EMCN: variants seen among roughly 807,000 people sequenced by gnomAD.
The protein encoded by EMCN is MUC-14.
In EMCN, 37 loss-of-function variants were observed where a neutral mutation model predicts 38.4. The observed-to-expected ratio is 0.96, with a 90% CI of 0.74 to 1.27. The LOEUF is 1.27. Among genes scored for constraint, EMCN ranks in the 50% most tolerant of loss-of-function variants. The pLI, the probability that EMCN is intolerant of heterozygous loss-of-function variation, is 0.00. For missense variants in EMCN, 318 were observed against 302.8 expected (o/e 1.05, Z -0.37); for synonymous variants, 95 against 100.8 (o/e 0.94, Z 0.35).
chr4:100,418,479 A>G (rs1278255887), intron 8 of EMCN, among the ~76,000 whole-genome samples: 1 of 152,074 alleles, frequency 6.6e-6, no homozygotes, highest in Non-Finnish European at 1.5e-5. Context: ...TGTGCTGTCA[A>G]ATACTAGGTT....
intron 1 of EMCN, 96 bp downstream of exon 1, chr4:100,517,755 A>G: frequency 9.1e-7 from 1 of 1,096,566 alleles, no homozygotes; most frequent in Non-Finnish European, 1.4e-6. Context: ...TGCTGCATCT[A>G]AGTGTCAGGG....
At chr4:100,470,423 G>T (rs1468856606) in intron 3 of EMCN, among the ~76,000 whole-genome samples, 1 of 150,564 alleles carries the variant, frequency 6.6e-6, no homozygotes, top group Non-Finnish European at 1.5e-5. Flanking sequence ...AAAAAGGAAG[G>T]CTTATACATT....
At chr4:100,467,706 T>C (rs1042276340) in intron 3 of EMCN, among the ~76,000 whole-genome samples, 14 of 146,020 alleles carry the variant, frequency 9.6e-5, no homozygotes, top group African/African-American at 3.0e-4. Context: ...AAAAAAGATA[T>C]GAGAATCATA....
chr4:100,473,567 C>T (rs1454388334), intron 3 of EMCN, among the ~76,000 whole-genome samples: 1 of 151,730 alleles, frequency 6.6e-6, no homozygotes, highest in Non-Finnish European at 1.5e-5. Context: ...AACGAACATA[C>T]AGTGCATTCA....
At chr4:100,404,080 T>A (rs1011484873) in intron 11 of EMCN, among the ~76,000 whole-genome samples, 1 of 152,118 alleles carries the variant, frequency 6.6e-6, no homozygotes, top group Non-Finnish European at 1.5e-5. Flanking sequence ...TTTAGCTAGG[T>A]CTTGTTAGTT....
intron 4 of EMCN, among the ~76,000 whole-genome samples, chr4:100,455,687 A>C (rs1371108081): frequency 2.0e-5 from 3 of 151,836 alleles, no homozygotes; most frequent in African/African-American, 7.3e-5. Context: ...TGATTTGATT[A>C]TGATGTGCTT....
chr4:100,399,580 C>T (rs147869929), intron 11 of EMCN, among the ~76,000 whole-genome samples: 2 of 152,200 alleles, frequency 1.3e-5, no homozygotes, highest in Non-Finnish European at 2.9e-5. Context: ...CTTCCCAGAG[C>T]ATCTGTGGCT....
At chr4:100,429,359 T>C (rs746014837) in intron 5 of EMCN, among the ~76,000 whole-genome samples, 85 of 152,332 alleles carry the variant, frequency 5.6e-4, no homozygotes, top group Admixed American at 9.8e-4. Context: ...GAGTCTCCTC[T>C]AACTTTAGGG....
At chr4:100,459,336 G>A (rs1476881287) in intron 4 of EMCN, among the ~76,000 whole-genome samples, 1 of 151,720 alleles carries the variant, frequency 6.6e-6, no homozygotes, top group Non-Finnish European at 1.5e-5. Context: ...ACAATGTGAT[G>A]TTTTGAGATA....
chr4:100,502,098 G>C (rs1289606814), intron 1 of EMCN, among the ~76,000 whole-genome samples: 1 of 152,174 alleles, frequency 6.6e-6, no homozygotes, highest in Non-Finnish European at 1.5e-5. Context: ...GATGCAGTGG[G>C]CTTAATAGAG....
intron 5 of EMCN, among the ~76,000 whole-genome samples, chr4:100,432,562 C>A (rs1727232864): frequency 6.6e-6 from 1 of 152,062 alleles, no homozygotes; most frequent in South Asian, 2.1e-4. Flanking sequence ...ATTAAATATA[C>A]CATTCTGTAT....
chr4:100,422,822 C>CTTTTTTTTTTTTTTTTTTTTT (rs71878999), intron 7 of EMCN, among the ~76,000 whole-genome samples, 199 bp downstream of exon 7: 1 of 122,654 alleles, frequency 8.2e-6, no homozygotes, highest in Admixed American at 7.9e-5. Context: ...TCTTTCTTTT[C>CTTTTTTTTTTTTTTTTTTTTT]TTTTTTTTTT....
chr4:100,466,295 G>T (rs1317908909), intron 3 of EMCN, among the ~76,000 whole-genome samples: 1 of 152,202 alleles, frequency 6.6e-6, no homozygotes, highest in Non-Finnish European at 1.5e-5. Context: ...GTGTTAGCTG[G>T]ATGTGATGCT....
chr4:100,463,650 C>T (rs1728241556), intron 4 of EMCN, among the ~76,000 whole-genome samples: 1 of 152,114 alleles, frequency 6.6e-6, no homozygotes, highest in Admixed American at 6.6e-5. Context: ...TATTTAGAGT[C>T]AATCCCCACT....
At chr4:100,480,521 A>G (rs1384614562) in intron 1 of EMCN, among the ~76,000 whole-genome samples, 1 of 149,966 alleles carries the variant, frequency 6.7e-6, no homozygotes. Flanking sequence ...ATAAAACATT[A>G]TAATTAATAA....
intron 5 of EMCN, among the ~76,000 whole-genome samples, chr4:100,440,929 C>T (rs1294808803): frequency 1.3e-5 from 2 of 150,002 alleles, no homozygotes; most frequent in Non-Finnish European, 3.0e-5. Flanking sequence ...ACTAAAAATA[C>T]AAAAAAAAAG....
At chr4:100,414,117 C>G (rs1298357780) in intron 10 of EMCN, among the ~76,000 whole-genome samples, 3 of 151,992 alleles carry the variant, frequency 2.0e-5, no homozygotes, top group African/African-American at 7.3e-5. Context: ...ATCCCAGCAC[C>G]CTCCTCACAA....
intron 1 of EMCN, among the ~76,000 whole-genome samples, chr4:100,482,527 A>G (rs890521130): frequency 1.3e-5 from 2 of 152,154 alleles, no homozygotes; most frequent in African/African-American, 4.8e-5. Context: ...AGGAAAGGGC[A>G]TGAGCAGAGC....
intron 1 of EMCN, among the ~76,000 whole-genome samples, chr4:100,512,073 G>C (rs1418047235): frequency 6.6e-6 from 1 of 152,146 alleles, no homozygotes; most frequent in Admixed American, 6.5e-5. Flanking sequence ...TTAAAGTGAG[G>C]CAAGCGGCTG....
Sources: gnomAD v4.1 joint callset for allele counts (sites outside exome capture counted in the v4.1 genomes callset) on GRCh38, gnomAD v4.1.1 for gene constraint, MANE v1.5 for transcripts, NCBI Gene and HGNC (gene_info 2026-07-23, HGNC 2026-07-21) for gene names.